Variants in GARNL3 observed in about 807,000 individuals in gnomAD.
The protein encoded by GARNL3 is GTPase-activating Rap/Ran-GAP domain-like protein 3.
Under a neutral mutation model 125.0 loss-of-function variants are expected in GARNL3, and 63 were observed. That is an observed-to-expected ratio of 0.50 (90% CI 0.41 to 0.62). The LOEUF (loss-of-function observed/expected upper bound fraction) is 0.62. GARNL3 is among the 20% of genes least tolerant of loss of function. GARNL3 has a pLI of 0.00. For missense variants in GARNL3, 994 were observed against 1,244.0 expected, an observed-to-expected ratio of 0.80 and a Z score of 3.02; for synonymous variants, 439 against 457.5, an observed-to-expected ratio of 0.96 and a Z score of 0.52.
rs186125470 is a variant in GARNL3, at chr9:127,232,450, G to T, written c.-29+8112G>T. Among the ~76,000 whole-genome samples, 9 of 152,218 alleles carry T rather than the reference G, an allele frequency of 5.9e-5. No homozygotes were observed. In the East Asian group the frequency reaches 1.7e-3, roughly 29 times the overall value. ...AGCCTCCTGAGTAGCTAGGACTACAGGTATGCACAACTACTCCTGGCTAAT... is the reference window on the plus strand; with the variant it reads ...AGCCTCCTGAGTAGCTAGGACTACATGTATGCACAACTACTCCTGGCTAAT... On this transcript the variant is annotated intron_variant, in intron 1 of 10. Transcript: ENST00000439286.
intron 21 of GARNL3, among the ~76,000 whole-genome samples, chr9:127,359,228 A>C (rs1465535031): frequency 6.6e-6 from 1 of 152,112 alleles, no homozygotes; most frequent in East Asian, 1.9e-4. Flanking sequence ...AGTGGCTCAC[A>C]CCTGTAATCC....
At chr9:127,303,556 G>T (rs1288005323) in intron 2 of GARNL3, among the ~76,000 whole-genome samples, 1 of 152,100 alleles carries the variant, frequency 6.6e-6, no homozygotes, top group Non-Finnish European at 1.5e-5. Flanking sequence ...TTTTTTAAAA[G>T]AATCCATTTT....
At chr9:127,245,052 T>C (rs1254593921) in intron 2 of GARNL3, among the ~76,000 whole-genome samples, 2 of 152,036 alleles carry the variant, frequency 1.3e-5, no homozygotes, top group African/African-American at 4.8e-5. Flanking sequence ...AGCCCCGTCT[T>C]CCCTCTTTAT....
At chr9:127,299,055 G>A (rs2064696922) in intron 2 of GARNL3, among the ~76,000 whole-genome samples, 3 of 152,098 alleles carry the variant, frequency 2.0e-5, no homozygotes, top group Non-Finnish European at 2.9e-5. Context: ...GGTGGCTCAC[G>A]CCTATAATCC....
intron 3 of GARNL3, 39 bp downstream of exon 3, chr9:127,311,774 T>G: frequency 7.2e-7 from 1 of 1,392,338 alleles, no homozygotes; most frequent in Non-Finnish European, 1.0e-6. Context: ...GAAAGGGTAT[T>G]CAAAATGGAA....
intron 2 of GARNL3, 40 bp from the exon 3 acceptor site, chr9:127,311,596 T>G: frequency 7.3e-7 from 1 of 1,377,826 alleles, no homozygotes; most frequent in Non-Finnish European, 1.0e-6. Flanking sequence ...GTTTACTTTC[T>G]GAATAAGCCT....
intron 22 of GARNL3, among the ~76,000 whole-genome samples, chr9:127,380,778 G>C (rs1270645118): frequency 6.6e-6 from 1 of 152,238 alleles, no homozygotes; most frequent in Non-Finnish European, 1.5e-5. Flanking sequence ...GCTAGGGGAA[G>C]AAATGGGGAG....
intron 5 of GARNL3, among the ~76,000 whole-genome samples, chr9:127,319,008 A>G (rs974069701): frequency 1.3e-5 from 2 of 152,198 alleles, no homozygotes; most frequent in Non-Finnish European, 1.5e-5. Flanking sequence ...GCCCTATCGT[A>G]TGAAGGGCAA....
chr9:127,318,077 A>G lies in GARNL3; in HGVS notation c.453A>G (p.Ile151Met). The change falls in exon 5 of 28, where the codon ATA becomes ATG. Residue 151 changes from isoleucine to methionine, a missense_variant. Ile to Met is a conservative substitution (Grantham distance 10). Around this residue, in one of 5 missense-constraint regions of GARNL3, gnomAD observed 139 missense variants for 231.6 expected, o/e 0.60. Transcript: ENST00000373387. ...GACTTTTCCAGGGTACCCAGAAAAT[A>G]TGCCTTCCCTACAGTCCCACAAAAA... Reference protein sequence around the residue: ...ILWRKTGTQKICLPYSPTKTL... With the variant: ...ILWRKTGTQKMCLPYSPTKTL... 1.9e-6 allele frequency: 3 copies of G among 1,607,966 alleles called. No individual in the cohort carries two copies. Among genetic ancestry groups the G allele is most frequent in the Non-Finnish European group, 2.6e-6 (3 of 1,174,366 alleles).
At chr9:127,288,261 T>C (rs2064310351) in intron 1 of GARNL3, among the ~76,000 whole-genome samples, 1 of 152,014 alleles carries the variant, frequency 6.6e-6, no homozygotes, top group Non-Finnish European at 1.5e-5. Flanking sequence ...GGGACTTTGG[T>C]AGAACTGAAG....
chr9:127,340,351 C>T (rs1366585119), intron 13 of GARNL3, among the ~76,000 whole-genome samples: 2 of 152,118 alleles, frequency 1.3e-5, no homozygotes, highest in Non-Finnish European at 2.9e-5. Flanking sequence ...CTCTGCGCAT[C>T]CCTCCTCAGG....
In GARNL3 at chr9:127,385,817, T is replaced by G. The variant is rs1303834301; in HGVS notation, c.2388+672T>G. ...AGGTGACTGCCTATTTGTTCATCTT[T>G]GCTGCTGCACTGATGGTTCTGTGAG... is the stretch of plus-strand genomic sequence containing the variant. On this transcript the variant is annotated intron_variant, in intron 24 of 27. Transcript: ENST00000373387. This position sits in a 1 kb window ranked among gnomAD's most constrained non-coding sequence, Gnocchi z 4.1. 6.6e-6 allele frequency among the ~76,000 whole-genome samples: 1 copy of G among 152,212 alleles called. No individual in the cohort carries two copies. Among genetic ancestry groups the G allele is most frequent in the East Asian group, 1.9e-4 (1 of 5,198 alleles).
At chr9:127,308,846 T>G in intron 2 of GARNL3, among the ~76,000 whole-genome samples, 1 of 152,198 alleles carries the variant, frequency 6.6e-6, no homozygotes, top group South Asian at 2.1e-4. Context: ...CATCTGAGTC[T>G]TAAATGGTTC....
At chr9:127,250,141 A>G (rs1474008983) in intron 2 of GARNL3, among the ~76,000 whole-genome samples, 1 of 152,206 alleles carries the variant, frequency 6.6e-6, no homozygotes, top group Non-Finnish European at 1.5e-5. Flanking sequence ...AAAGGGGAAG[A>G]TGTATTTCTT....
intron 2 of GARNL3, among the ~76,000 whole-genome samples, chr9:127,301,422 G>A (rs936915574): frequency 6.6e-6 from 1 of 152,166 alleles, no homozygotes; most frequent in Non-Finnish European, 1.5e-5. Context: ...GCAGCACTAT[G>A]ATATAATGGA....
upstream of GARNL3, among the ~76,000 whole-genome samples, chr9:127,262,212 TA>T (rs1285542816): frequency 3.3e-5 from 5 of 152,242 alleles, no homozygotes; most frequent in Admixed American, 3.3e-4. Context: ...ACAGCAGCTT[TA>T]ACTGGTAGAC....
intron 1 of GARNL3, among the ~76,000 whole-genome samples, chr9:127,265,299 T>A (rs1243440785): frequency 6.6e-6 from 1 of 152,206 alleles, no homozygotes; most frequent in African/African-American, 2.4e-5. Context: ...ATAAAACAAT[T>A]TATGAATTAA....
intron 22 of GARNL3, 120 bp downstream of exon 22, chr9:127,365,486 G>A: frequency 1.2e-6 from 1 of 831,164 alleles, no homozygotes; most frequent in Non-Finnish European, 2.0e-6. Context: ...GTTTGTAATT[G>A]CCTTCCAGGA....
intron 5 of GARNL3, among the ~76,000 whole-genome samples, chr9:127,320,074 C>T (rs1272111761): frequency 6.6e-6 from 1 of 152,172 alleles, no homozygotes; most frequent in East Asian, 1.9e-4. Context: ...CTGCTTTTTA[C>T]CAGATCTTTT....
Sources: gnomAD v4.1 joint callset for allele counts (sites outside exome capture counted in the v4.1 genomes callset) on GRCh38, gnomAD v4.1.1 for gene constraint, gnomAD v4.1.1 regional missense constraint, Gnocchi (gnomAD v3.1) non-coding constraint, MANE v1.5 for transcripts, NCBI Gene and HGNC (gene_info 2026-07-23, HGNC 2026-07-21) for gene names.